The following NKAIN1 variants were observed in gnomAD, a reference collection of about 807,000 sequenced individuals.
NKAIN1 encodes sodium/potassium transporting ATPase interacting 1.
In NKAIN1, 13 loss-of-function variants were observed where a neutral mutation model predicts 31.6. That is an observed-to-expected ratio of 0.41 (90% CI 0.27 to 0.65). The LOEUF is 0.65. NKAIN1 is among the 30% of genes least tolerant of loss of function. NKAIN1 has a pLI of 0.30. For missense variants in NKAIN1, 193 were observed against 262.2 expected, an observed-to-expected ratio of 0.74 and a Z score of 1.82; for synonymous variants, 104 against 109.0, an observed-to-expected ratio of 0.95 and a Z score of 0.28.
Position 31,181,398 on chromosome 1 carries a change from A to C in NKAIN1, c.*305T>G, listed in dbSNP as rs370287723. ...GTGAAAGGGAGAGGCTGGAGAAGAG[A>C]GGAAGGCCCCAGCTCACGCCAAGGC... On this transcript the variant is annotated 3_prime_UTR_variant, in exon 7 of 7. Coordinates refer to ENST00000373736, the MANE Select transcript of NKAIN1 (RefSeq NM_024522.3). 47 of 342,162 alleles carry C rather than the reference A, an allele frequency of 1.4e-4. No individual in the cohort carries two copies. Among genetic ancestry groups the C allele is most frequent in the East Asian group, 3.5e-4 (8 of 22,824 alleles). The allele number at this position is 342,162 out of a possible 1,614,324, so 21.2% of individuals were successfully genotyped here. A position where few individuals can be genotyped will look rare whatever the true frequency, so the allele number is the denominator to read the frequency against.
intron 1 of NKAIN1, among the ~76,000 whole-genome samples, chr1:31,190,028 T>C (rs984315429): frequency 1.3e-5 from 2 of 152,178 alleles, no homozygotes; most frequent in Non-Finnish European, 2.9e-5. Context: ...TAAAGCTGGT[T>C]CTCCCTCCTT....
intron 1 of NKAIN1, among the ~76,000 whole-genome samples, chr1:31,227,118 C>A (rs1056939916): frequency 6.6e-6 from 1 of 152,212 alleles, no homozygotes; most frequent in Non-Finnish European, 1.5e-5. Flanking sequence ...AACCACTGTG[C>A]CCAGCCAAAG....
rs1199763093 is a variant in NKAIN1, at chr1:31,181,718, G to A, written c.615-6C>T. 26 of 1,491,754 alleles carry A rather than the reference G, an allele frequency of 1.7e-5. No individual in the cohort carries two copies. Among genetic ancestry groups the A allele is most frequent in the Non-Finnish European group, 2.3e-5 (26 of 1,114,756 alleles). 92.4% of individuals were successfully genotyped at this position (1,491,754 alleles called of 1,614,324 possible). The stretch of plus-strand genomic sequence containing the variant: ...GGGGCAGAGGCTACCCCGACCTGCG[G>A]GAAACAAAGGCAGGTTAGGGAGAGT... On this transcript the variant is annotated splice_region_variant and splice_polypyrimidine_tract_variant and intron_variant, in intron 6 of 6. Transcript: ENST00000373736.
intron 1 of NKAIN1, among the ~76,000 whole-genome samples, chr1:31,200,256 T>TA (rs1365736606): frequency 2.0e-5 from 3 of 152,130 alleles, no homozygotes; most frequent in Non-Finnish European, 4.4e-5. Flanking sequence ...TCCGTTCGTG[T>TA]AAACACCTCC....
rs1645197133 is a variant in NKAIN1, at chr1:31,181,501, C to T, written c.*202G>A. On this transcript the variant is annotated 3_prime_UTR_variant, in exon 7 of 7. Coordinates refer to ENST00000373736, the MANE Select transcript of NKAIN1 (RefSeq NM_024522.3). The stretch of plus-strand genomic sequence containing the variant: ...CGCCCCGCCCCACTCCTCCGAAGTC[C>T]GGGCTGCGAAGAGCCAAGCTCAAAT... The T allele has an allele frequency of 4.5e-6, 2 of 447,240 alleles. No individual in the cohort carries two copies. The highest frequency in any genetic ancestry group is 4.2e-5 in the Admixed American group (1 of 23,638). 27.7% of individuals were successfully genotyped at this position (447,240 alleles called of 1,614,324 possible).
In NKAIN1 at chr1:31,196,008, G is replaced by A. The variant is rs117939113; in HGVS notation, c.55-7821C>T. On this transcript the variant is annotated intron_variant, in intron 1 of 6. Transcript: ENST00000373736. The stretch of plus-strand genomic sequence containing the variant: ...GTCTCCATGGCCTTCCCTGCCACTC[G>A]ATCTGCCAGAGTGACTTTCTGCTTG... Among the ~76,000 whole-genome samples the A allele has an allele frequency of 4.2e-3, 640 of 151,752 alleles. 38 individuals carry two copies. In the East Asian group the frequency reaches 0.099, roughly 23 times the overall value.
At chr1:31,182,683 G>A (rs1325700159) in intron 4 of NKAIN1, 93 bp from the exon 5 acceptor site, 10 of 1,371,712 alleles carry the variant, frequency 7.3e-6, no homozygotes, top group Non-Finnish European at 1.0e-5. Context: ...ACTGGCAAGG[G>A]AGGAGGCATG....
At position 31,239,430 on chromosome 1, in the gene NKAIN1, C is replaced by T; in HGVS notation, c.54+64G>A. 2.4e-6 allele frequency: 3 copies of T among 1,276,218 alleles called. No homozygotes were observed. Among genetic ancestry groups the T allele is most frequent in the South Asian group, 3.2e-5 (2 of 62,062 alleles). The allele number at this position is 1,276,218 out of a possible 1,614,324, so 79.1% of individuals were successfully genotyped here. A position where few individuals can be genotyped will look rare whatever the true frequency, so the allele number is the denominator to read the frequency against. ...AGAGACACACGCAACCCCACCCGCA[C>T]GCCCTGGGACCGCGCCCCGCCGCGC... On this transcript the variant is annotated intron_variant, in intron 1 of 6. Transcript: ENST00000373736. This position sits in a 1 kb window ranked among gnomAD's most constrained non-coding sequence, Gnocchi z 4.8.
At position 31,197,301 on chromosome 1, in the gene NKAIN1, C is replaced by T. The variant is rs531573869; in HGVS notation, c.55-9114G>A. On this transcript the variant is annotated intron_variant, in intron 1 of 6. Transcript: ENST00000373736. ...TAATTTTTTGTATTTTTAGTAGAGA[C>T]GGGGTTTCATCGTGTTAGCCAGGAT... is the stretch of plus-strand genomic sequence containing the variant. Among the ~76,000 whole-genome samples the T allele has an allele frequency of 4.8e-4, 73 of 151,566 alleles. No individual in the cohort carries two copies. In the East Asian group the frequency reaches 0.012, roughly 25 times the overall value.
chr1:31,199,244 C>G (rs1235565458), intron 1 of NKAIN1, among the ~76,000 whole-genome samples: 1 of 152,292 alleles, frequency 6.6e-6, no homozygotes, highest in South Asian at 2.1e-4. Flanking sequence ...CAGTTCTCAT[C>G]GACTCACTGT....
intron 1 of NKAIN1, among the ~76,000 whole-genome samples, chr1:31,223,844 T>C (rs1645582477): frequency 6.6e-6 from 1 of 152,242 alleles, no homozygotes; most frequent in Non-Finnish European, 1.5e-5. Flanking sequence ...CCTATTGTCC[T>C]TGTAGTCTTC....
chr1:31,222,572 G>A (rs535983444), intron 1 of NKAIN1, among the ~76,000 whole-genome samples: 154 of 152,336 alleles, frequency 1.0e-3, no homozygotes, highest in African/African-American at 3.6e-3. Flanking sequence ...CTGGTGCAGG[G>A]TGAGAGGAAG....
In NKAIN1 at chr1:31,190,685, T is replaced by A. The variant is rs76861903; in HGVS notation, c.55-2498A>T. 4.9e-3 allele frequency among the ~76,000 whole-genome samples: 748 copies of A among 152,228 alleles called. 37 individuals carry two copies. In the East Asian group the frequency reaches 0.099, roughly 20 times the overall value. On this transcript the variant is annotated intron_variant, in intron 1 of 6. Coordinates refer to ENST00000373736, the MANE Select transcript of NKAIN1 (RefSeq NM_024522.3). ...GCATGGAAGTCACTGGACTAGGTAATCTCCAAGGGCCCTTCCAGCCTTGAC... is the reference window on the plus strand; with the variant it reads ...GCATGGAAGTCACTGGACTAGGTAAACTCCAAGGGCCCTTCCAGCCTTGAC...
chr1:31,234,924 C>T (rs1028955921), intron 1 of NKAIN1, among the ~76,000 whole-genome samples: 1 of 152,182 alleles, frequency 6.6e-6, no homozygotes, highest in African/African-American at 2.4e-5. Context: ...CGTCACACCC[C>T]TTCGCACCTC....
At chr1:31,212,991 T>C (rs1162493911) in intron 1 of NKAIN1, among the ~76,000 whole-genome samples, 1 of 151,152 alleles carries the variant, frequency 6.6e-6, no homozygotes, top group African/African-American at 2.4e-5. Flanking sequence ...AGCAAGACTC[T>C]GTCTCAAAAA....
chr1:31,195,424 T>C (rs1645317670), intron 1 of NKAIN1, among the ~76,000 whole-genome samples: 1 of 151,686 alleles, frequency 6.6e-6, no homozygotes, highest in African/African-American at 2.4e-5. Context: ...GCCTGGCCTT[T>C]CTTTCTTTCT....
chr1:31,196,979 T>G (rs1645332229), intron 1 of NKAIN1, among the ~76,000 whole-genome samples: 1 of 152,172 alleles, frequency 6.6e-6, no homozygotes, highest in South Asian at 2.1e-4. Flanking sequence ...ATGGGTATGA[T>G]TCACAGTATC....
intron 1 of NKAIN1, among the ~76,000 whole-genome samples, chr1:31,193,260 G>C (rs915549714): frequency 1.3e-5 from 2 of 149,488 alleles, no homozygotes; most frequent in Admixed American, 1.3e-4. Flanking sequence ...AGTAGAGACG[G>C]GTTTTCACCA....
At chr1:31,204,943 G>C (rs983324856) in intron 1 of NKAIN1, among the ~76,000 whole-genome samples, 1 of 152,232 alleles carries the variant, frequency 6.6e-6, no homozygotes, top group Non-Finnish European at 1.5e-5. Context: ...CTCTGCACTC[G>C]GGCAGGCCTG....
Sources: allele counts gnomAD v4.1 joint callset (sites outside exome capture counted in the v4.1 genomes callset), GRCh38; gene constraint gnomAD v4.1.1; non-coding constraint Gnocchi (gnomAD v3.1); transcripts MANE v1.5; gene names NCBI Gene and HGNC (gene_info 2026-07-23, HGNC 2026-07-21).